The following THSD7A variants were observed in gnomAD, a reference collection of about 807,000 sequenced individuals.
THSD7A encodes the protein thrombospondin type 1 domain containing 7A, also known as thrombospondin type-1 domain-containing protein 7A.
A neutral mutation model predicts 231.3 loss-of-function variants in THSD7A; 96 were observed. That is an observed-to-expected ratio of 0.41 (90% CI 0.35 to 0.49). THSD7A has a LOEUF of 0.49. THSD7A is among the 20% of genes least tolerant of loss of function. The probability of loss-of-function intolerance (pLI) is 0.05; values close to 1 mark genes in which losing one functional copy is unlikely to be tolerated. For missense variants in THSD7A, 2,290 were observed against 2,070.2 expected (o/e 1.11, Z -2.06); for synonymous variants, 940 against 743.3 (o/e 1.26, Z -4.30).
intron 1 of THSD7A, among the ~76,000 whole-genome samples, chr7:11,709,872 T>C (rs1320853144): frequency 1.3e-5 from 2 of 150,842 alleles, no homozygotes; most frequent in Admixed American, 6.6e-5. Context: ...AAGCAGAAAG[T>C]AATCTGGCTT....
chr7:11,399,447 T>C (rs1333719792), intron 23 of THSD7A, among the ~76,000 whole-genome samples: 1 of 130,428 alleles, frequency 7.7e-6, no homozygotes, highest in Non-Finnish European at 1.6e-5. Context: ...AAACAATCTA[T>C]TGGTTTTGTT....
intron 1 of THSD7A, among the ~76,000 whole-genome samples, chr7:11,791,711 G>C (rs1783956921): frequency 6.6e-6 from 1 of 151,758 alleles, no homozygotes; most frequent in Admixed American, 6.6e-5. Flanking sequence ...TGGTCCCAAC[G>C]GCCATTTCTT....
rs1026209185 is a variant in THSD7A, at chr7:11,710,814, G to A, written c.191-73853C>T. 6.0e-5 allele frequency among the ~76,000 whole-genome samples: 9 copies of A among 151,042 alleles called. No homozygotes were observed. In the East Asian group the frequency reaches 7.9e-4, roughly 13 times the overall value. On this transcript the variant is annotated intron_variant, in intron 1 of 27. Coordinates refer to ENST00000423059, the MANE Select transcript of THSD7A (RefSeq NM_015204.3). ...GATCAGCAGCAGCTTACATCAAAAT[G>A]TAAGAAGAGGATAATATAGAGTTGA...
At chr7:11,770,016 T>C (rs997076158) in intron 1 of THSD7A, among the ~76,000 whole-genome samples, 2 of 152,160 alleles carry the variant, frequency 1.3e-5, no homozygotes, top group African/African-American at 4.8e-5. Flanking sequence ...TGGCTTTGAA[T>C]AGTGGTGATT....
At position 11,554,102 on chromosome 7, in the gene THSD7A, A is replaced by G. The variant is rs1299893700; in HGVS notation, c.1454-10985T>C. On this transcript the variant is annotated intron_variant, in intron 4 of 27. Transcript: ENST00000423059. ...CATAGTACAATATTACAGCCAGAAT[A>G]TTGATATTATTACAATCAATGTACT... is the stretch of plus-strand genomic sequence containing the variant. 2.6e-5 allele frequency among the ~76,000 whole-genome samples: 4 copies of G among 152,054 alleles called. No homozygotes were observed. The East Asian group carries it at 7.7e-4, about 29-fold the overall frequency.
chr7:11,671,878 T>C (rs1204048545), intron 1 of THSD7A, among the ~76,000 whole-genome samples: 1 of 152,130 alleles, frequency 6.6e-6, no homozygotes, highest in Non-Finnish European at 1.5e-5. Flanking sequence ...AGGGAATAGG[T>C]GAGTTTATAA....
At chr7:11,715,281 T>A (rs1781098902) in intron 1 of THSD7A, among the ~76,000 whole-genome samples, 2 of 151,458 alleles carry the variant, frequency 1.3e-5, no homozygotes, top group African/African-American at 4.8e-5. Context: ...AAAGATCTCC[T>A]TGGAAATGGA....
At chr7:11,741,522 T>C (rs1008009907) in intron 1 of THSD7A, among the ~76,000 whole-genome samples, 27 of 151,952 alleles carry the variant, frequency 1.8e-4, no homozygotes, top group African/African-American at 6.3e-4. Flanking sequence ...AGTGGTTTTT[T>C]AGTCAAATTC....
chr7:11,827,099 GT>G (rs1032089053), intron 1 of THSD7A, among the ~76,000 whole-genome samples: 1 of 152,036 alleles, frequency 6.6e-6, no homozygotes, highest in Non-Finnish European at 1.5e-5. Context: ...GAACTCCTAG[GT>G]TCAAGCAATC....
chr7:11,809,940 G>C (rs915278481), intron 1 of THSD7A, among the ~76,000 whole-genome samples: 2 of 152,076 alleles, frequency 1.3e-5, no homozygotes, highest in African/African-American at 4.8e-5. Flanking sequence ...TAGAACAATG[G>C]GCTGTATAAG....
chr7:11,632,769 C>A lies in THSD7A; in HGVS notation c.1022+3361G>T, dbSNP rs915519093. Among the ~76,000 whole-genome samples the A allele has an allele frequency of 6.6e-6, 1 of 152,146 alleles. No homozygotes were observed. Among genetic ancestry groups the A allele is most frequent in the African/African-American group, 2.4e-5 (1 of 41,436 alleles). ...ATCTATATTAGTTCTCCCATTAGGT[C>A]ATTATTTCAACTTCTTCTTGCAGAA... On this transcript the variant is annotated intron_variant, in intron 2 of 27. Transcript: ENST00000423059. This position sits in a 1 kb window ranked among gnomAD's most constrained non-coding sequence, Gnocchi z 4.1.
chr7:11,742,845 TCATA>T (rs1782158539), intron 1 of THSD7A, among the ~76,000 whole-genome samples: 1 of 151,898 alleles, frequency 6.6e-6, no homozygotes, highest in Admixed American at 6.6e-5. Context: ...ATACAGTAAT[TCATA>T]CTTAATTAAT....
chr7:11,535,739 G>A (rs1788889285), intron 6 of THSD7A, among the ~76,000 whole-genome samples: 1 of 152,128 alleles, frequency 6.6e-6, no homozygotes, highest in South Asian at 2.1e-4. Flanking sequence ...CTTGTAATTT[G>A]TGTTAAGAAG....
At chr7:11,448,224 C>A (rs973049442) in intron 11 of THSD7A, among the ~76,000 whole-genome samples, 1 of 152,002 alleles carries the variant, frequency 6.6e-6, no homozygotes, top group African/African-American at 2.4e-5. Context: ...TGATATTGTT[C>A]TGCTGACTTA....
intron 7 of THSD7A, among the ~76,000 whole-genome samples, chr7:11,476,913 A>G (rs1786213568): frequency 6.6e-6 from 1 of 152,182 alleles, no homozygotes; most frequent in Non-Finnish European, 1.5e-5. Flanking sequence ...CAGTGAAATT[A>G]AAAGTATGAT....
intron 13 of THSD7A, among the ~76,000 whole-genome samples, chr7:11,440,432 ATAGT>A (rs1784767800): frequency 6.6e-6 from 1 of 151,994 alleles, no homozygotes; most frequent in South Asian, 2.1e-4. Context: ...TATACTTGCC[ATAGT>A]TATTCCTCCA....
intron 2 of THSD7A, among the ~76,000 whole-genome samples, chr7:11,614,497 C>G (rs1781040646): frequency 6.6e-6 from 1 of 152,144 alleles, no homozygotes; most frequent in African/African-American, 2.4e-5. Context: ...ACTGCTGTAG[C>G]TGGTGTTAGG....
intron 13 of THSD7A, among the ~76,000 whole-genome samples, chr7:11,434,507 G>A (rs1583733492): frequency 6.6e-6 from 1 of 152,044 alleles, no homozygotes; most frequent in Non-Finnish European, 1.5e-5. Flanking sequence ...ACTAAATTGT[G>A]CTGCTGAAAG....
intron 3 of THSD7A, among the ~76,000 whole-genome samples, chr7:11,591,509 G>A (rs1021020294): frequency 6.6e-5 from 10 of 152,164 alleles, no homozygotes; most frequent in African/African-American, 2.4e-4. Context: ...AGCCAACATA[G>A]GTGCAAATGG....
Sources: gnomAD v4.1 joint callset for allele counts (sites outside exome capture counted in the v4.1 genomes callset) on GRCh38, gnomAD v4.1.1 for gene constraint, Gnocchi (gnomAD v3.1) non-coding constraint, MANE v1.5 for transcripts, NCBI Gene and HGNC (gene_info 2026-07-23, HGNC 2026-07-21) for gene names.